MFF: variants seen among roughly 807,000 people sequenced by gnomAD.
The protein encoded by MFF is chromosome 2 open reading frame 33.
A neutral mutation model predicts 36.9 loss-of-function variants in MFF; 12 were observed. The observed-to-expected ratio is 0.33, with a 90% confidence interval of 0.21 to 0.53. The LOEUF is 0.53. Among genes scored for constraint, MFF ranks in the 20% least tolerant of loss-of-function variants. The pLI, the probability that MFF is intolerant of heterozygous loss-of-function variation, is 0.95. For missense variants in MFF, 348 were observed against 366.6 expected (o/e 0.95, Z 0.42); for synonymous variants, 99 against 126.2 (o/e 0.78, Z 1.44).
At position 227,357,080 on chromosome 2, in the gene MFF, T is replaced by G. The variant is rs960566048; in HGVS notation, c.839T>G (p.Phe280Cys). 5 of 1,612,416 alleles carry G rather than the reference T, an allele frequency of 3.1e-6. No homozygotes were observed. The highest frequency in any genetic ancestry group is 2.2e-4 in the Middle Eastern group (1 of 4,608). The change falls in exon 9 of 9, where the codon TTC becomes TGC. Residue 280 changes from phenylalanine (F) to cysteine (C), a missense_variant. Transcript: ENST00000304593. ...EMVMYSITVA[F>C]WLLNSWLWFR... The stretch of plus-strand genomic sequence containing the variant: ...GTCATGTATTCAATTACTGTAGCTT[T>G]CTGGCTGCTTAATAGCTGGCTCTGG...
At position 227,330,532 on chromosome 2, in the gene MFF, C is replaced by T. The variant is rs546594483; in HGVS notation, c.-40-94C>T. 4.2e-5 allele frequency: 32 copies of T among 767,316 alleles called. No individual in the cohort carries two copies. The African/African-American group carries it at 4.5e-4, about 11-fold the overall frequency. 47.5% of individuals were successfully genotyped at this position (767,316 alleles called of 1,614,324 possible). A position where few individuals can be genotyped will look rare whatever the true frequency, so the allele number is the denominator to read the frequency against. On this transcript the variant is annotated intron_variant, in intron 2 of 8. Transcript: ENST00000304593. Reference sequence around the variant, plus strand: ...TACTTGCAAATGAGAAGTTTCCTTTCGCTCTTTCTATAAGGTATTGTCTTC... The same window carrying T: ...TACTTGCAAATGAGAAGTTTCCTTTTGCTCTTTCTATAAGGTATTGTCTTC...
intron 6 of MFF, chr2:227,351,554 A>G (rs936640419): frequency 6.6e-6 from 1 of 152,236 alleles, no homozygotes; most frequent in Non-Finnish European, 1.5e-5. Context: ...TATCCAAAAT[A>G]GGATTTAATA....
intron 1 of MFF, among the ~76,000 whole-genome samples, chr2:227,326,698 T>A (rs930844769): frequency 6.6e-6 from 1 of 152,234 alleles, no homozygotes; most frequent in African/African-American, 2.4e-5. Context: ...AAATATAGTT[T>A]CTTTGAAAAA....
Position 227,344,551 on chromosome 2 carries a change from C to G in MFF, c.441-2675C>G, listed in dbSNP as rs542263630. Among the ~76,000 whole-genome samples, 161 of 152,128 alleles carry G rather than the reference C, an allele frequency of 1.1e-3. 2 individuals are homozygous for G. In the Middle Eastern group the frequency reaches 0.014, roughly 13 times the overall value. ...TACATTTATTTGTAAAAAATACCAACAAGACTGCTTAAAGTTTTAAAAAGG... is the reference window on the plus strand; with the variant it reads ...TACATTTATTTGTAAAAAATACCAAGAAGACTGCTTAAAGTTTTAAAAAGG... On this transcript the variant is annotated intron_variant, in intron 5 of 8. Transcript: ENST00000304593.
chr2:227,334,437 G>A (rs1018101196), intron 4 of MFF, among the ~76,000 whole-genome samples: 1 of 152,158 alleles, frequency 6.6e-6, no homozygotes, highest in Non-Finnish European at 1.5e-5. Context: ...GGGAGGAAGG[G>A]GTAAGGGAGC....
chr2:227,352,524 C>G lies in MFF; in HGVS notation c.610C>G (p.Arg204Gly). Residue 204 changes from arginine to glycine, a missense_variant, in exon 7 of 9, where the codon CGT becomes GGT. By Grantham distance (125) the Arg-to-Gly change is moderately radical. Coordinates refer to ENST00000304593, the MANE Select transcript of MFF (RefSeq NM_001277062.2). ...VLDENRRPVL[R>G]GGSAAATSNP... ...AAAAACCTGCCTTAGACCTGTGTTG[C>G]GTGGTGGGTCTGCTGCCGCCACTTC... is the stretch of plus-strand genomic sequence containing the variant. 2 of 1,613,610 alleles carry G rather than the reference C, an allele frequency of 1.2e-6. No individual in the cohort carries two copies. The highest frequency in any genetic ancestry group is 2.2e-5 in the South Asian group (2 of 91,072).
chr2:227,353,407 G>A (rs2076099941), intron 7 of MFF, among the ~76,000 whole-genome samples: 1 of 152,184 alleles, frequency 6.6e-6, no homozygotes, highest in South Asian at 2.1e-4. Flanking sequence ...AGAAGTTGGT[G>A]CATTCATTGA....
chr2:227,326,128 C>A (rs1002395534), intron 1 of MFF, among the ~76,000 whole-genome samples: 6 of 151,922 alleles, frequency 3.9e-5, no homozygotes, highest in African/African-American at 1.2e-4. Flanking sequence ...TAAAAGAACA[C>A]CCCTGTCTAC....
chr2:227,326,864 CTCAA>C (rs1490135587), intron 1 of MFF, among the ~76,000 whole-genome samples: 2 of 152,010 alleles, frequency 1.3e-5, no homozygotes, highest in Non-Finnish European at 2.9e-5. Context: ...GTCAGTTTGA[CTCAA>C]GTTGTTTCGG....
chr2:227,350,128 G>T (rs540842968), intron 6 of MFF, among the ~76,000 whole-genome samples: 16 of 152,172 alleles, frequency 1.1e-4, no homozygotes, highest in Admixed American at 5.9e-4. Context: ...TGAAAACCAA[G>T]TTAAATCCTA....
chr2:227,355,696 G>T lies in MFF; in HGVS notation c.679G>T (p.Asp227Tyr). The T allele has an allele frequency of 6.2e-7, 1 of 1,609,438 alleles. No homozygotes were observed. The highest frequency in any genetic ancestry group is 8.5e-7 in the Non-Finnish European group (1 of 1,175,958). ...DNVRYGISNI[D>Y]TTIEGTSDDL... ...CTGCAGGTATGGCATTTCAAATATA[G>T]ATACAACCATTGAAGGAACGTCAGA... is the stretch of plus-strand genomic sequence containing the variant. The change falls in exon 8 of 9, where the codon GAT becomes TAT. Residue 227 changes from aspartate (D) to tyrosine (Y), a missense_variant. Transcript: ENST00000304593.
chr2:227,328,414 T>G (rs1350579886), intron 1 of MFF, among the ~76,000 whole-genome samples: 1 of 152,084 alleles, frequency 6.6e-6, no homozygotes, highest in African/African-American at 2.4e-5. Context: ...ATTTTTCATC[T>G]GCCACATTTT....
chr2:227,332,301 T>G, intron 3 of MFF, 118 bp from the exon 4 acceptor site: 1 of 784,522 alleles, frequency 1.3e-6, no homozygotes, highest in South Asian at 1.9e-5. Context: ...AAACTAATGC[T>G]TATTGGGTGG....
chr2:227,355,746 T>G lies in MFF; in HGVS notation c.729T>G (p.Ala243=). The G allele has an allele frequency of 6.2e-7, 1 of 1,606,030 alleles. No individual in the cohort carries two copies. Among genetic ancestry groups the G allele is most frequent in the Non-Finnish European group, 8.5e-7 (1 of 1,172,934 alleles). Residue 243 remains alanine, a synonymous_variant, in exon 8 of 9, where the codon GCT becomes GCG. Transcript: ENST00000304593. ...ATGACCTGACTGTTGTAGATGCAGC[T>G]TCACTAAGACGACAGGTATTTAGTG... ...TSDDLTVVDA[A]SLRRQIIKLN... is the part of the protein sequence containing the mutation.
rs754307487 is a variant in MFF at position 227,355,714 on chromosome 2, A to G, written c.697A>G (p.Thr233Ala). Residue 233 changes from threonine (T) to alanine (A), a missense_variant, in exon 8 of 9, where the codon ACG becomes GCG. Transcript: ENST00000304593. ...ISNIDTTIEGTSDDLTVVDAA... is the reference protein window; with the variant it reads ...ISNIDTTIEGASDDLTVVDAA... ...AAATATAGATACAACCATTGAAGGA[A>G]CGTCAGATGACCTGACTGTTGTAGA... 6.6e-5 allele frequency: 107 copies of G among 1,611,994 alleles called. No individual in the cohort carries two copies. The highest frequency in any genetic ancestry group is 8.9e-5 in the Non-Finnish European group (105 of 1,178,304).
intron 7 of MFF, among the ~76,000 whole-genome samples, chr2:227,353,380 G>A (rs2076097548): frequency 6.6e-6 from 1 of 152,170 alleles, no homozygotes; most frequent in South Asian, 2.1e-4. Context: ...AAAACTGGCA[G>A]CATCGTTTCT....
intron 8 of MFF, among the ~76,000 whole-genome samples, chr2:227,356,272 C>T (rs185252454): frequency 6.6e-5 from 10 of 152,198 alleles, no homozygotes; most frequent in East Asian, 3.9e-4. Flanking sequence ...TTTCTCATTG[C>T]GTCTATACCA....
intron 5 of MFF, among the ~76,000 whole-genome samples, chr2:227,345,220 C>T (rs1403540477): frequency 1.3e-5 from 2 of 152,158 alleles, no homozygotes; most frequent in Non-Finnish European, 2.9e-5. Context: ...TTGTTTCTGG[C>T]AAAAGGATTT....
At chr2:227,334,816 G>C (rs1006641034) in intron 4 of MFF, among the ~76,000 whole-genome samples, 1 of 152,160 alleles carries the variant, frequency 6.6e-6, no homozygotes, top group Non-Finnish European at 1.5e-5. Flanking sequence ...TCCATCAGCT[G>C]ATGAATGGAT....
Sources: gnomAD v4.1 joint callset for allele counts (sites outside exome capture counted in the v4.1 genomes callset) on GRCh38, gnomAD v4.1.1 for gene constraint, MANE v1.5 for transcripts, NCBI Gene and HGNC (gene_info 2026-07-23, HGNC 2026-07-21) for gene names.